GLB1L2: variants seen among roughly 807,000 people sequenced by gnomAD.
GLB1L2 encodes beta-galactosidase-1-like protein 2.
Under a neutral mutation model 84.1 loss-of-function variants are expected in GLB1L2, and 68 were observed. The observed-to-expected ratio is 0.81, with a 90% CI of 0.67 to 0.99. GLB1L2 has a LOEUF of 0.99. Among genes scored for constraint, GLB1L2 ranks in the 50% least tolerant of loss-of-function variants. GLB1L2 has a pLI of 0.00. For missense variants in GLB1L2, 762 were observed against 805.6 expected (o/e 0.95, Z 0.66); for synonymous variants, 290 against 318.0 (o/e 0.91, Z 0.94).
chr11:134,344,030 G>A (rs190243329), intron 2 of GLB1L2, among the ~76,000 whole-genome samples: 3 of 152,350 alleles, frequency 2.0e-5, no homozygotes, highest in East Asian at 3.9e-4. Context: ...CGGGGCTTCA[G>A]TAAATATAGG....
At chr11:134,356,152 G>A in intron 5 of GLB1L2, 149 bp from the exon 6 acceptor site, 1 of 744,298 alleles carries the variant, frequency 1.3e-6, no homozygotes, top group Non-Finnish European at 2.4e-6. Flanking sequence ...AGGGCCTAGT[G>A]CTTCTTCCAC....
intron 4 of GLB1L2, among the ~76,000 whole-genome samples, 162 bp downstream of exon 4, chr11:134,345,291 C>G (rs117843478): frequency 5.3e-5 from 8 of 152,208 alleles, no homozygotes; most frequent in African/African-American, 1.7e-4. Context: ...CAGAGGGGAT[C>G]GCTTTCAGTG....
chr11:134,364,235 G>C (rs1426688123), intron 7 of GLB1L2, 93 bp from the exon 8 acceptor site: 9 of 888,194 alleles, frequency 1.0e-5, no homozygotes, highest in Non-Finnish European at 1.4e-5. Flanking sequence ...TTACTTTATT[G>C]TGCTGGTGGA....
At chr11:134,335,897 TC>T (rs768022220) in intron 1 of GLB1L2, among the ~76,000 whole-genome samples, 3 of 152,142 alleles carry the variant, frequency 2.0e-5, no homozygotes, top group South Asian at 2.1e-4. Context: ...ACGTCCTCCC[TC>T]CCTCCCTCTC....
At position 134,369,864 on chromosome 11, in the gene GLB1L2, G is replaced by A. The variant is rs376677333; in HGVS notation, c.1087G>A (p.Asp363Asn). The change falls in exon 11 of 19, where the codon GAC (aspartate) becomes AAC (asparagine). Residue 363 changes from aspartate to asparagine, a missense_variant. Coordinates refer to ENST00000535456, the MANE Select transcript of GLB1L2 (RefSeq NM_001370461.1). The part of the protein sequence containing the change: ...DYTAKYMKLR[D>N]FFGSISGIPL... ...CACGGCCAAGTACATGAAGCTTCGA[G>A]ACTTCTTCGGCTCCATCTCAGGTAC... 29 of 1,613,588 alleles carry A rather than the reference G, an allele frequency of 1.8e-5. No homozygotes were observed. Among genetic ancestry groups the A allele is most frequent in the Admixed American group, 5.0e-5 (3 of 59,990 alleles).
rs573844952 is a variant in GLB1L2 at position 134,353,693 on chromosome 11, A to G, written c.559-2608A>G. Among the ~76,000 whole-genome samples the G allele has an allele frequency of 6.6e-5, 10 of 152,240 alleles. No homozygotes were observed. The East Asian group carries it at 1.9e-3, about 29-fold the overall frequency. Reference sequence around the variant, plus strand: ...CTTTAATTTTGCCACTGTTTGGCTCATATACTTTGGAATTCTGGCATTTGG... The same window carrying G: ...CTTTAATTTTGCCACTGTTTGGCTCGTATACTTTGGAATTCTGGCATTTGG... On this transcript the variant is annotated intron_variant, in intron 5 of 18. Coordinates refer to ENST00000535456, the MANE Select transcript of GLB1L2 (RefSeq NM_001370461.1).
At chr11:134,364,497 C>A in intron 8 of GLB1L2, 99 bp downstream of exon 8, 2 of 1,000,820 alleles carry the variant, frequency 2.0e-6, no homozygotes, top group Non-Finnish European at 3.0e-6. Context: ...GCGCAGGGAG[C>A]TGGACTCAGG....
intron 1 of GLB1L2, among the ~76,000 whole-genome samples, chr11:134,336,347 C>T (rs1443566706): frequency 6.6e-6 from 1 of 152,236 alleles, no homozygotes; most frequent in Non-Finnish European, 1.5e-5. Context: ...GCACCCTTCC[C>T]TATCCCCTAT....
chr11:134,371,638 C>A, intron 14 of GLB1L2, 114 bp from the exon 15 acceptor site: 1 of 1,148,114 alleles, frequency 8.7e-7, no homozygotes, highest in Non-Finnish European at 1.3e-6. Flanking sequence ...TTCTGCCCAG[C>A]TGGGATGTAC....
intron 17 of GLB1L2, 135 bp downstream of exon 17, chr11:134,374,391 C>T: frequency 1.2e-6 from 1 of 807,130 alleles, no homozygotes; most frequent in Non-Finnish European, 2.1e-6. Context: ...CCGCTGGGGC[C>T]TCCCTGGGCC....
Position 134,375,050 on chromosome 11 carries a change from A to AT in GLB1L2, c.1905dup (p.Lys636Ter). 1 of 1,613,422 alleles carries AT rather than the reference A, an allele frequency of 6.2e-7. No individual in the cohort carries two copies. The highest frequency in any genetic ancestry group is 8.5e-7 in the Non-Finnish European group (1 of 1,179,778). On this transcript the variant is annotated frameshift_variant, in exon 19 of 19. Coordinates refer to ENST00000535456, the MANE Select transcript of GLB1L2 (RefSeq NM_001370461.1). LOFTEE classifies it high-confidence loss of function. ...CCCCCACCTGGGCAGGAACCAGTAC[A>AT]TTAAGTGAGCGGTGGCACCCCCTCC...
chr11:134,361,054 A>G (rs1943779109), intron 7 of GLB1L2: 4 of 152,112 alleles, frequency 2.6e-5, no homozygotes, highest in Admixed American at 2.6e-4. Flanking sequence ...TCGGGAGCTG[A>G]GGCAGGAGAA....
intron 14 of GLB1L2, 125 bp downstream of exon 14, chr11:134,371,617 C>A: frequency 9.6e-7 from 1 of 1,042,930 alleles, no homozygotes; most frequent in Non-Finnish European, 1.5e-6. Context: ...GTGGAGAGGG[C>A]GAGTGTGGCT....
intron 1 of GLB1L2, among the ~76,000 whole-genome samples, chr11:134,340,042 C>G (rs1313848939): frequency 6.6e-6 from 1 of 152,176 alleles, no homozygotes; most frequent in African/African-American, 2.4e-5. Context: ...TGGTTCCTAG[C>G]AGGGACTGTG....
chr11:134,334,498 A>T lies in GLB1L2; in HGVS notation c.86+2351A>T, dbSNP rs1943351393. Among the ~76,000 whole-genome samples, 1 of 152,078 alleles carries T rather than the reference A, an allele frequency of 6.6e-6. No individual in the cohort carries two copies. Among genetic ancestry groups the T allele is most frequent in the African/African-American group, 2.4e-5 (1 of 41,406 alleles). ...TTAAGCGTAAACAGTGGTCTTTCTT[A>T]AAAATTACCTTTATTGGAGTTTAAT... On this transcript the variant is annotated intron_variant, in intron 1 of 18. Transcript: ENST00000535456. This position sits in a 1 kb window ranked among gnomAD's most constrained non-coding sequence, Gnocchi z 4.1.
intron 5 of GLB1L2, among the ~76,000 whole-genome samples, chr11:134,354,895 A>G (rs1274659314): frequency 1.3e-5 from 2 of 152,160 alleles, no homozygotes; most frequent in Middle Eastern, 3.4e-3. Context: ...CAAATTGGAG[A>G]AGTTTTCAGC....
Position 134,375,627 on chromosome 11 carries a change from C to T in GLB1L2, c.*569C>T, listed in dbSNP as rs1944015404. ...CGGCGTGAGAAACATGTGACTTCCC[C>T]TTTCCCTTCCCACTCGCTGCTTCCC... is the stretch of plus-strand genomic sequence containing the variant. On this transcript the variant is annotated 3_prime_UTR_variant, in exon 19 of 19. Transcript: ENST00000535456. The T allele has an allele frequency of 6.6e-6, 1 of 152,468 alleles. No homozygotes were observed. Among genetic ancestry groups the T allele is most frequent in the East Asian group, 1.9e-4 (1 of 5,208 alleles). 9.4% of individuals were successfully genotyped at this position (152,468 alleles called of 1,614,324 possible).
In GLB1L2 at chr11:134,365,452, G is replaced by T. The variant is rs113002354; in HGVS notation, c.804+1054G>T. ...TGTGACTGAGATGACAGGGTCTCCTGCCCTGTGCTGTGTGACCTTGGGCAA... is the reference window on the plus strand; with the variant it reads ...TGTGACTGAGATGACAGGGTCTCCTTCCCTGTGCTGTGTGACCTTGGGCAA... On this transcript the variant is annotated intron_variant, in intron 8 of 18. Transcript: ENST00000535456. Among the ~76,000 whole-genome samples the T allele has an allele frequency of 5.0e-3, 764 of 152,342 alleles. 7 individuals carry two copies. The highest frequency in any genetic ancestry group is 0.017 in the African/African-American group (700 of 41,574).
chr11:134,374,736 C>T lies in GLB1L2; in HGVS notation c.1824+18C>T. On this transcript the variant is annotated intron_variant, in intron 18 of 18. Transcript: ENST00000535456. The stretch of plus-strand genomic sequence containing the variant: ...TCAACCAGGTGGGAGCTTCCAGCCC[C>T]TTCCTGTTCCCCATGACGCCCTGCC... 1 of 1,589,576 alleles carries T rather than the reference C, an allele frequency of 6.3e-7. No individual in the cohort carries two copies. Among genetic ancestry groups the T allele is most frequent in the Non-Finnish European group, 8.6e-7 (1 of 1,158,146 alleles).
Sources: allele counts gnomAD v4.1 joint callset (sites outside exome capture counted in the v4.1 genomes callset), GRCh38; gene constraint gnomAD v4.1.1; non-coding constraint Gnocchi (gnomAD v3.1); transcripts MANE v1.5; gene names NCBI Gene and HGNC (gene_info 2026-07-23, HGNC 2026-07-21).